The following SUGCT variants were observed in gnomAD, a reference collection of about 807,000 sequenced individuals.
SUGCT encodes succinyl-CoA:glutarate-CoA transferase.
SUGCT carries 41 observed loss-of-function variants against 55.0 expected under a neutral mutation model. The ratio of observed to expected loss-of-function variants is 0.74; its 90% CI spans 0.58 to 0.97. SUGCT has a LOEUF of 0.97. Among genes scored for constraint, SUGCT ranks in the 50% least tolerant of loss-of-function variants. SUGCT has a pLI of 0.00. For missense variants in SUGCT, 568 were observed against 547.8 expected (o/e 1.04, Z -0.37); for synonymous variants, 187 against 200.4 (o/e 0.93, Z 0.56).
chr7:40,250,754 C>A (rs1205316992), intron 7 of SUGCT, among the ~76,000 whole-genome samples: 4 of 149,332 alleles, frequency 2.7e-5, no homozygotes, highest in African/African-American at 9.9e-5. Flanking sequence ...CAAAAGTAAT[C>A]ATTACTAAAA....
chr7:40,505,197 T>C (rs1253426339), intron 12 of SUGCT, among the ~76,000 whole-genome samples: 1 of 152,192 alleles, frequency 6.6e-6, no homozygotes, highest in Non-Finnish European at 1.5e-5. Context: ...TTCATGGTGG[T>C]TGATTATATT....
the SUGCT span, among the ~76,000 whole-genome samples, chr7:41,028,820 T>C: frequency 1.3e-5 from 2 of 152,164 alleles, no homozygotes; most frequent in African/African-American, 4.8e-5. Context: ...CTGGGTACTA[T>C]AGTGCATGCT....
At chr7:40,534,290 C>A (rs1794242449) in intron 12 of SUGCT, among the ~76,000 whole-genome samples, 1 of 152,090 alleles carries the variant, frequency 6.6e-6, no homozygotes, top group African/African-American at 2.4e-5. Context: ...GGACATTGAT[C>A]TTATTGATAG....
chr7:40,203,255 G>A (rs1786719930), intron 6 of SUGCT, among the ~76,000 whole-genome samples: 1 of 152,194 alleles, frequency 6.6e-6, no homozygotes, highest in Non-Finnish European at 1.5e-5. Flanking sequence ...GCTAATGGCA[G>A]CAAAACTGGT....
At chr7:40,472,764 T>C (rs1004530351) in intron 11 of SUGCT, among the ~76,000 whole-genome samples, 1 of 152,106 alleles carries the variant, frequency 6.6e-6, no homozygotes, top group Non-Finnish European at 1.5e-5. Flanking sequence ...GCACAGAACA[T>C]GGAGGTCAAA....
intron 13 of SUGCT, among the ~76,000 whole-genome samples, chr7:40,789,011 G>T (rs1790179594): frequency 6.6e-6 from 1 of 152,200 alleles, no homozygotes; most frequent in African/African-American, 2.4e-5. Flanking sequence ...CAGGGATTAA[G>T]ACATGATCAG....
chr7:40,759,490 A>G (rs931909696), intron 13 of SUGCT, among the ~76,000 whole-genome samples: 3 of 152,198 alleles, frequency 2.0e-5, no homozygotes, highest in African/African-American at 7.2e-5. Context: ...TACAGATAAG[A>G]AAATAGAGAT....
intron 7 of SUGCT, among the ~76,000 whole-genome samples, chr7:40,245,626 A>T (rs1484567790): frequency 1.3e-5 from 2 of 148,196 alleles, no homozygotes; most frequent in Non-Finnish European, 3.0e-5. Flanking sequence ...TTTTTAGTAG[A>T]GACAGGGTTT....
At chr7:40,651,825 T>C (rs571748948) in intron 12 of SUGCT, among the ~76,000 whole-genome samples, 61 of 152,344 alleles carry the variant, frequency 4.0e-4, no homozygotes, top group Admixed American at 1.1e-3. Context: ...GCATTTTTGT[T>C]TGAGTTTATG....
chr7:40,304,703 T>G (rs111965165), intron 8 of SUGCT, among the ~76,000 whole-genome samples: 2,714 of 142,984 alleles, frequency 0.019, 74 homozygotes, highest in African/African-American at 0.067. Context: ...TTTCCATTCC[T>G]GAGTTACTTC....
At chr7:40,514,083 C>T (rs533029628) in intron 12 of SUGCT, among the ~76,000 whole-genome samples, 63 of 152,062 alleles carry the variant, frequency 4.1e-4, no homozygotes, top group Non-Finnish European at 7.4e-4. Flanking sequence ...AGTCACCGTG[C>T]CCGGCATCAG....
chr7:41,033,404 A>C, the SUGCT span, among the ~76,000 whole-genome samples: 1 of 152,122 alleles, frequency 6.6e-6, no homozygotes, highest in Non-Finnish European at 1.5e-5. Flanking sequence ...TGGCTTTTGC[A>C]GAGGTAGCTG....
At chr7:41,018,999 G>A in the SUGCT span, among the ~76,000 whole-genome samples, 1 of 150,936 alleles carries the variant, frequency 6.6e-6, no homozygotes, top group African/African-American at 2.4e-5. Flanking sequence ...TCTGCCTCCC[G>A]GGTTCAAGCG....
chr7:40,767,197 A>T (rs1463578704), intron 13 of SUGCT, among the ~76,000 whole-genome samples: 1 of 152,212 alleles, frequency 6.6e-6, no homozygotes, highest in Admixed American at 6.5e-5. Context: ...GACCCCCTGC[A>T]TTAAAGAAAA....
intron 12 of SUGCT, among the ~76,000 whole-genome samples, chr7:40,685,103 T>A (rs1784411626): frequency 6.6e-6 from 1 of 152,156 alleles, no homozygotes; most frequent in Non-Finnish European, 1.5e-5. Context: ...GTGGTCCACC[T>A]GCCTTGGCCT....
In SUGCT at chr7:40,222,024, G is replaced by T. The variant is rs1227291557; in HGVS notation, c.485-15611G>T. ...TGGTTTGGGATGCCACTGCAGTTCT[G>T]CAAATATTTCCTGTGGATTGGGGTA... On this transcript the variant is annotated intron_variant, in intron 6 of 13. Transcript: ENST00000335693. Among the ~76,000 whole-genome samples the T allele has an allele frequency of 1.3e-5, 2 of 152,212 alleles. 1 individual carries two copies. The highest frequency in any genetic ancestry group is 2.9e-5 in the Non-Finnish European group (2 of 68,022).
intron 1 of SUGCT, among the ~76,000 whole-genome samples, chr7:40,158,074 G>C (rs539363978): frequency 6.6e-6 from 1 of 152,190 alleles, no homozygotes; most frequent in East Asian, 1.9e-4. Context: ...AGGTATGGTT[G>C]TGCGTGTCTG....
chr7:40,406,978 A>G (rs1174780742), intron 9 of SUGCT, among the ~76,000 whole-genome samples: 1 of 152,178 alleles, frequency 6.6e-6, no homozygotes, highest in Non-Finnish European at 1.5e-5. Flanking sequence ...ATGATAGTCT[A>G]GGTTCTTGGT....
intron 12 of SUGCT, among the ~76,000 whole-genome samples, chr7:40,695,184 T>G (rs1302277989): frequency 6.8e-6 from 1 of 147,796 alleles, no homozygotes; most frequent in Non-Finnish European, 1.5e-5. Flanking sequence ...TATTTATTTA[T>G]TTATTTATTT....
Sources: gnomAD v4.1 joint callset for allele counts (sites outside exome capture counted in the v4.1 genomes callset) on GRCh38, gnomAD v4.1.1 for gene constraint, MANE v1.5 for transcripts, NCBI Gene and HGNC (gene_info 2026-07-23, HGNC 2026-07-21) for gene names.